The following SPAG16 variants were observed in gnomAD, a reference collection of about 807,000 sequenced individuals.
SPAG16 encodes the protein sperm-associated antigen 16 protein.
In SPAG16, 86 loss-of-function variants were observed where a neutral mutation model predicts 80.4. The observed-to-expected ratio is 1.07, with a 90% CI of 0.90 to 1.28. The LOEUF (loss-of-function observed/expected upper bound fraction) is 1.28, where lower values mean the gene tolerates loss of function less well. Ranked by LOEUF, SPAG16 falls within the 50% of genes most tolerant of loss-of-function variation. The pLI is 0.00. For synonymous variants in SPAG16, 294 were observed against 265.9 expected, an observed-to-expected ratio of 1.11 and a Z score of -1.03; for missense variants, 870 against 765.3, an observed-to-expected ratio of 1.14 and a Z score of -1.61.
rs150942357 is a variant in SPAG16 at position 213,821,360 on chromosome 2, T to A, written c.1071-41125T>A. Among the ~76,000 whole-genome samples, 133 of 152,252 alleles carry A rather than the reference T, an allele frequency of 8.7e-4. 1 individual carries two copies. The highest frequency in any genetic ancestry group is 1.3e-3 in the African/African-American group (54 of 41,586). ...AGTTGAAAGCAAAATGATGCAATTT[T>A]AAAATTTTATTTTTTCATAATAAAC... On this transcript the variant is annotated intron_variant, in intron 10 of 15. Transcript: ENST00000331683.
intron 10 of SPAG16, among the ~76,000 whole-genome samples, chr2:213,681,276 G>T (rs963653884): frequency 1.3e-5 from 2 of 152,192 alleles, no homozygotes; most frequent in African/African-American, 4.8e-5. Flanking sequence ...TTATGCCAGA[G>T]TCAGACTGAA....
intron 10 of SPAG16, among the ~76,000 whole-genome samples, chr2:213,739,357 A>G (rs1223317267): frequency 6.6e-6 from 1 of 152,226 alleles, no homozygotes; most frequent in Non-Finnish European, 1.5e-5. Flanking sequence ...CATTTACAGG[A>G]TAAATATTCA....
intron 10 of SPAG16, among the ~76,000 whole-genome samples, chr2:213,605,344 G>T (rs1343926299): frequency 6.7e-6 from 1 of 149,378 alleles, no homozygotes; most frequent in African/African-American, 2.5e-5. Context: ...TCAGCTCACT[G>T]CAGGCTCTGC....
At chr2:213,538,718 A>G (rs2076330359) in intron 10 of SPAG16, among the ~76,000 whole-genome samples, 1 of 152,150 alleles carries the variant, frequency 6.6e-6, no homozygotes, top group Non-Finnish European at 1.5e-5. Context: ...AAAACATTTG[A>G]CATTTTTAAG....
chr2:213,805,184 T>C (rs2071690941), intron 10 of SPAG16, among the ~76,000 whole-genome samples: 1 of 152,124 alleles, frequency 6.6e-6, no homozygotes, highest in Non-Finnish European at 1.5e-5. Context: ...TAATCAGAGT[T>C]GTCTGATATG....
chr2:213,674,489 T>G (rs973880223), intron 10 of SPAG16, among the ~76,000 whole-genome samples: 1 of 151,004 alleles, frequency 6.6e-6, no homozygotes, highest in African/African-American at 2.5e-5. Flanking sequence ...ACCCACTAAC[T>G]CGTCATCTAG....
At chr2:213,516,659 G>C (rs745822616) in intron 10 of SPAG16, among the ~76,000 whole-genome samples, 3 of 152,074 alleles carry the variant, frequency 2.0e-5, no homozygotes, top group Non-Finnish European at 4.4e-5. Context: ...AAATCTAACT[G>C]TATGGCATAC....
Position 213,490,024 on chromosome 2 carries a change from T to G in SPAG16, c.1004T>G (p.Leu335Arg), listed in dbSNP as rs1471105082. The G allele has an allele frequency of 6.2e-7, 1 of 1,611,122 alleles. No individual in the cohort carries two copies. Among genetic ancestry groups the G allele is most frequent in the Non-Finnish European group, 8.5e-7 (1 of 1,178,712 alleles). Residue 335 changes from leucine to arginine, a missense_variant, in exon 10 of 16, where the codon CTT becomes CGT. By Grantham distance (102) the Leu-to-Arg change is moderately radical. Coordinates refer to ENST00000331683, the MANE Select transcript of SPAG16 (RefSeq NM_024532.5). ...AACCTGAATGTTTCTAAAGAAAGTC[T>G]TTCTCCAGCAAAATTTGACTACAAG... ...NPNLNVSKES[L>R]SPAKFDYKLK...
intron 10 of SPAG16, among the ~76,000 whole-genome samples, chr2:213,622,914 G>A (rs1033438158): frequency 8.5e-5 from 13 of 152,106 alleles, no homozygotes; most frequent in Non-Finnish European, 1.3e-4. Flanking sequence ...TTGATGCATC[G>A]ATTTGAATAA....
chr2:213,367,113 G>A (rs2066343346), intron 8 of SPAG16, among the ~76,000 whole-genome samples: 1 of 152,146 alleles, frequency 6.6e-6, no homozygotes, highest in African/African-American at 2.4e-5. Flanking sequence ...CAAAGGACAT[G>A]AACTCATCCT....
At chr2:213,447,624 C>T (rs1378710220) in intron 9 of SPAG16, among the ~76,000 whole-genome samples, 3 of 152,218 alleles carry the variant, frequency 2.0e-5, no homozygotes, top group Admixed American at 1.3e-4. Flanking sequence ...TTCCCACCGC[C>T]ACTCCTCTCC....
intron 11 of SPAG16, among the ~76,000 whole-genome samples, chr2:213,900,810 A>G (rs780909804): frequency 2.0e-5 from 3 of 152,176 alleles, no homozygotes; most frequent in Non-Finnish European, 4.4e-5. Context: ...TGTGTTCATC[A>G]TTTTAAAGGC....
At chr2:214,259,880 T>C (rs1224338624) in intron 15 of SPAG16, among the ~76,000 whole-genome samples, 1 of 152,160 alleles carries the variant, frequency 6.6e-6, no homozygotes, top group Non-Finnish European at 1.5e-5. Context: ...TCTCAGGCAG[T>C]TCTCCTTTGA....
chr2:214,400,334 G>A (rs1177163186), intron 15 of SPAG16, among the ~76,000 whole-genome samples: 8 of 151,864 alleles, frequency 5.3e-5, no homozygotes, highest in Non-Finnish European at 1.0e-4. Flanking sequence ...GCCCCATGTA[G>A]CTGCAGATTT....
At chr2:213,292,135 C>T (rs935963317) in intron 1 of SPAG16, among the ~76,000 whole-genome samples, 10 of 152,052 alleles carry the variant, frequency 6.6e-5, no homozygotes, top group African/African-American at 2.2e-4. Flanking sequence ...ATCTTATCAG[C>T]GGTTGGCTTA....
chr2:213,456,302 T>C (rs931584949), intron 9 of SPAG16, among the ~76,000 whole-genome samples: 8 of 152,206 alleles, frequency 5.3e-5, no homozygotes, highest in Admixed American at 5.2e-4. Flanking sequence ...TTTCACTTCA[T>C]TTTTGATTTA....
intron 10 of SPAG16, among the ~76,000 whole-genome samples, chr2:213,494,152 TG>T (rs1238079604): frequency 9.2e-5 from 14 of 152,214 alleles, no homozygotes; most frequent in Admixed American, 9.2e-4. Context: ...TGCTCCTCTC[TG>T]GCCAGATTTC....
At chr2:213,792,797 C>G (rs2070786484) in intron 10 of SPAG16, among the ~76,000 whole-genome samples, 1 of 151,946 alleles carries the variant, frequency 6.6e-6, no homozygotes, top group African/African-American at 2.4e-5. Context: ...TGCCACATCT[C>G]TAAAACTGGC....
chr2:213,676,077 A>AGTTCTCCT (rs1322441818), intron 10 of SPAG16, among the ~76,000 whole-genome samples: 6 of 152,006 alleles, frequency 3.9e-5, no homozygotes, highest in Non-Finnish European at 8.8e-5. Context: ...AGTGGTTTGT[A>AGTTCTCCT]GTTCTCCTTG....
Sources: allele counts gnomAD v4.1 joint callset (sites outside exome capture counted in the v4.1 genomes callset), GRCh38; gene constraint gnomAD v4.1.1; transcripts MANE v1.5; gene names NCBI Gene and HGNC (gene_info 2026-07-23, HGNC 2026-07-21).